The following BMP6 variants were observed in gnomAD, a reference collection of about 807,000 sequenced individuals.
The protein encoded by BMP6 is bone morphogenetic protein 6.
In BMP6, 17 loss-of-function variants were observed where a neutral mutation model predicts 54.1. The observed-to-expected ratio is 0.31, with a 90% CI of 0.22 to 0.47. BMP6 has a LOEUF of 0.47. BMP6 is among the 20% of genes least tolerant of loss of function. The pLI, the probability that BMP6 is intolerant of heterozygous loss-of-function variation, is 1.00. For missense variants in BMP6, 720 were observed against 690.4 expected, an observed-to-expected ratio of 1.04 and a Z score of -0.48; for synonymous variants, 328 against 291.2, an observed-to-expected ratio of 1.13 and a Z score of -1.28.
chr6:7,733,372 TTTTG>T (rs1761902213), intron 1 of BMP6, among the ~76,000 whole-genome samples: 2 of 152,358 alleles, frequency 1.3e-5, no homozygotes, highest in African/African-American at 4.8e-5. Context: ...AATTAGACAA[TTTTG>T]TTTTTCACTA....
intron 1 of BMP6, among the ~76,000 whole-genome samples, chr6:7,803,553 T>G (rs1439795054): frequency 4.6e-5 from 7 of 152,160 alleles, no homozygotes; most frequent in African/African-American, 1.2e-4. Flanking sequence ...ACAGTCTACT[T>G]CAAGCCTTTG....
chr6:7,784,414 C>T (rs1006513293), intron 1 of BMP6, among the ~76,000 whole-genome samples: 4 of 145,840 alleles, frequency 2.7e-5, no homozygotes, highest in African/African-American at 1.1e-4. Context: ...TGTGTGTAGG[C>T]GTCTGAGTGT....
intron 1 of BMP6, among the ~76,000 whole-genome samples, chr6:7,812,306 T>G (rs376395968): frequency 6.6e-5 from 10 of 152,286 alleles, no homozygotes; most frequent in African/African-American, 2.4e-4. Context: ...TACTATCCAT[T>G]CCAGTTCTTA....
chr6:7,778,868 C>A (rs983440293), intron 1 of BMP6, among the ~76,000 whole-genome samples: 4 of 152,194 alleles, frequency 2.6e-5, no homozygotes, highest in African/African-American at 9.7e-5. Flanking sequence ...CTCTATTCAT[C>A]ATTTGATGTT....
chr6:7,816,902 G>T (rs144992060), intron 1 of BMP6, among the ~76,000 whole-genome samples: 8 of 152,136 alleles, frequency 5.3e-5, no homozygotes, highest in African/African-American at 1.7e-4. Context: ...TTAGCTGGTC[G>T]TTCTTTTTTA....
At chr6:7,784,862 C>T (rs1466470929) in intron 1 of BMP6, among the ~76,000 whole-genome samples, 2 of 152,186 alleles carry the variant, frequency 1.3e-5, no homozygotes, top group Non-Finnish European at 2.9e-5. Flanking sequence ...CAGTCACCTC[C>T]TCCTTGCTGG....
At chr6:7,835,889 T>G (rs1486390071) in intron 1 of BMP6, among the ~76,000 whole-genome samples, 1 of 152,020 alleles carries the variant, frequency 6.6e-6, no homozygotes, top group Non-Finnish European at 1.5e-5. Context: ...CAGGCTGGAG[T>G]GCAGTGGCGT....
chr6:7,793,625 A>G (rs552198255), intron 1 of BMP6, among the ~76,000 whole-genome samples: 5 of 152,182 alleles, frequency 3.3e-5, no homozygotes, highest in Non-Finnish European at 7.4e-5. Flanking sequence ...TGGGAGGCAG[A>G]CAGGGGGCAT....
chr6:7,761,169 T>C (rs1356830638), intron 1 of BMP6, among the ~76,000 whole-genome samples: 1 of 152,258 alleles, frequency 6.6e-6, no homozygotes, highest in Non-Finnish European at 1.5e-5. Context: ...TTTGGATTAC[T>C]TATACACACA....
intron 4 of BMP6, among the ~76,000 whole-genome samples, chr6:7,876,625 AT>A (rs1759620553): frequency 2.0e-5 from 3 of 152,232 alleles, no homozygotes; most frequent in African/African-American, 7.2e-5. Flanking sequence ...TTTGATGATT[AT>A]CTGTTTAATG....
rs566358302 is a variant in BMP6 at position 7,863,246 on chromosome 6, C to A, written c.1204+748C>A. Among the ~76,000 whole-genome samples the A allele has an allele frequency of 3.9e-5, 6 of 152,332 alleles. No homozygotes were observed. The East Asian group carries it at 1.2e-3, about 29-fold the overall frequency. ...ATCTCCTGACCTCGTGATCCACCCA[C>A]CTTGGCCTCCCAAAGTGCTGGGATT... is the stretch of plus-strand genomic sequence containing the variant. On this transcript the variant is annotated intron_variant, in intron 4 of 6. Transcript: ENST00000283147.
At chr6:7,731,231 C>T (rs1416444886) in intron 1 of BMP6, among the ~76,000 whole-genome samples, 1 of 152,162 alleles carries the variant, frequency 6.6e-6, no homozygotes, top group Non-Finnish European at 1.5e-5. Flanking sequence ...CCACAGATGC[C>T]ATTTTCTATT....
chr6:7,866,076 C>T (rs1261642232), intron 4 of BMP6, among the ~76,000 whole-genome samples: 1 of 152,226 alleles, frequency 6.6e-6, no homozygotes, highest in Non-Finnish European at 1.5e-5. Flanking sequence ...CTGGACTTTC[C>T]AAACATGTGC....
intron 4 of BMP6, among the ~76,000 whole-genome samples, chr6:7,874,886 G>A (rs1345457111): frequency 2.0e-5 from 3 of 151,938 alleles, no homozygotes; most frequent in Non-Finnish European, 4.4e-5. Flanking sequence ...GTTTTTACTA[G>A]TCAGAATTTT....
At position 7,881,193 on chromosome 6, in the gene BMP6, C is replaced by T. The variant is rs116409624; in HGVS notation, c.*850C>T. The stretch of plus-strand genomic sequence containing the variant: ...TCTGCCTTTTTACTATACAGCATAC[C>T]ACGCCACAGGGTTAGAACCAACGAA... On this transcript the variant is annotated 3_prime_UTR_variant, in exon 7 of 7. Transcript: ENST00000283147. The T allele has an allele frequency of 1.9e-4, 29 of 152,582 alleles. No individual in the cohort carries two copies. The highest frequency in any genetic ancestry group is 6.7e-4 in the African/African-American group (28 of 41,532). 9.5% of individuals were successfully genotyped at this position (152,582 alleles called of 1,614,324 possible).
chr6:7,821,375 C>A (rs924869132), intron 1 of BMP6, among the ~76,000 whole-genome samples: 1 of 152,166 alleles, frequency 6.6e-6, no homozygotes, highest in South Asian at 2.1e-4. Context: ...ACTCTTTTGT[C>A]ATCTCTGCTC....
In BMP6 at chr6:7,853,691, TC is replaced by T. The variant is rs1352711118; in HGVS notation, c.858-7758del. 2.2e-4 allele frequency among the ~76,000 whole-genome samples: 33 copies of T among 152,320 alleles called. 1 individual carries two copies. Among genetic ancestry groups the T allele is most frequent in the African/African-American group, 6.5e-4 (27 of 41,566 alleles). On this transcript the variant is annotated intron_variant, in intron 2 of 6. Transcript: ENST00000283147. The stretch of plus-strand genomic sequence containing the variant: ...CTGTGTCTGGCTTTCACAGGCATGA[TC>T]CTTAGGGACTCCTGAAATCTTACTG...
chr6:7,832,357 C>T (rs1758805988), intron 1 of BMP6, among the ~76,000 whole-genome samples: 1 of 152,094 alleles, frequency 6.6e-6, no homozygotes, highest in South Asian at 2.1e-4. Context: ...GAGATTAGTG[C>T]CCTTATTAAA....
intron 1 of BMP6, among the ~76,000 whole-genome samples, chr6:7,778,826 T>C (rs1350710877): frequency 6.6e-6 from 1 of 152,162 alleles, no homozygotes; most frequent in Non-Finnish European, 1.5e-5. Flanking sequence ...TCCTTCCCAT[T>C]CCCGGAGGGC....
Sources: allele counts gnomAD v4.1 joint callset (sites outside exome capture counted in the v4.1 genomes callset), GRCh38; gene constraint gnomAD v4.1.1; transcripts MANE v1.5; gene names NCBI Gene and HGNC (gene_info 2026-07-23, HGNC 2026-07-21).